The following RBFOX1 variants were observed in gnomAD, a reference collection of about 807,000 sequenced individuals.
RBFOX1 encodes RNA binding protein fox-1 homolog 1.
RBFOX1 carries 8 observed loss-of-function variants against 57.7 expected under a neutral mutation model. The ratio of observed to expected loss-of-function variants is 0.14; its 90% CI spans 0.08 to 0.25. RBFOX1 has a LOEUF of 0.25. RBFOX1 is among the 10% of genes least tolerant of loss of function. The probability of loss-of-function intolerance (pLI) is 1.00; values close to 1 mark genes in which losing one functional copy is unlikely to be tolerated. For missense variants in RBFOX1, 611 were observed against 548.5 expected (o/e 1.11, Z -1.14); for synonymous variants, 326 against 222.4 (o/e 1.47, Z -4.15).
intron 4 of RBFOX1, among the ~76,000 whole-genome samples, chr16:5,905,249 G>A (rs956783491): frequency 4.6e-5 from 7 of 151,518 alleles, no homozygotes; most frequent in African/African-American, 2.4e-5. Context: ...CGTATTATTA[G>A]TAGAGACGGC....
chr16:5,787,208 G>T (rs764321878), intron 3 of RBFOX1, among the ~76,000 whole-genome samples: 1 of 152,140 alleles, frequency 6.6e-6, no homozygotes, highest in African/African-American at 2.4e-5. Flanking sequence ...ACTCCACAGG[G>T]CCCTTTCACT....
intron 2 of RBFOX1, among the ~76,000 whole-genome samples, chr16:6,460,213 T>G (rs1484455136): frequency 2.0e-5 from 3 of 151,976 alleles, no homozygotes; most frequent in African/African-American, 7.3e-5. Flanking sequence ...CCATTGGTTC[T>G]CTCTCCTTGG....
intron 4 of RBFOX1, among the ~76,000 whole-genome samples, chr16:5,982,929 A>G (rs2060202494): frequency 6.6e-6 from 1 of 152,236 alleles, no homozygotes; most frequent in African/African-American, 2.4e-5. Context: ...ATGGGTGAGT[A>G]CATGAATACC....
At chr16:5,923,524 G>T (rs1029499266) in intron 4 of RBFOX1, among the ~76,000 whole-genome samples, 1 of 143,130 alleles carries the variant, frequency 7.0e-6, no homozygotes. Context: ...TGTCTCCAGA[G>T]CCAGGCTTTT....
intron 3 of RBFOX1, among the ~76,000 whole-genome samples, chr16:6,942,018 T>C (rs968670193): frequency 4.6e-5 from 7 of 152,024 alleles, no homozygotes; most frequent in African/African-American, 1.2e-4. Flanking sequence ...AATTTGAAAT[T>C]AGGAGTTTGA....
rs189903790 is a variant in RBFOX1, at chr16:6,916,692, G to A, written c.-15-135365G>A. 1.0e-3 allele frequency among the ~76,000 whole-genome samples: 157 copies of A among 152,088 alleles called. 2 individuals are homozygous for A. The highest frequency in any genetic ancestry group is 1.2e-4 in the Non-Finnish European group (8 of 67,998). ...GTCGTCCTTTTACCTCTCATTGGCC[G>A]CAGTTATGCCCATTCCTACTTAAAA... On this transcript the variant is annotated intron_variant, in intron 3 of 15. Coordinates refer to ENST00000550418, the MANE Select transcript of RBFOX1 (RefSeq NM_018723.4).
chr16:6,180,284 A>C (rs2097052537), intron 1 of RBFOX1, among the ~76,000 whole-genome samples: 3 of 151,914 alleles, frequency 2.0e-5, no homozygotes, highest in African/African-American at 7.2e-5. Flanking sequence ...TTTTTTGCCT[A>C]CTAATTCATT....
chr16:6,608,157 A>C (rs1045318542), intron 2 of RBFOX1, among the ~76,000 whole-genome samples: 1 of 152,076 alleles, frequency 6.6e-6, no homozygotes, highest in African/African-American at 2.4e-5. Context: ...CACTTTCTTA[A>C]CTCTTACCAG....
chr16:5,268,861 C>G (rs1432829351), intron 1 of RBFOX1, among the ~76,000 whole-genome samples: 1 of 152,110 alleles, frequency 6.6e-6, no homozygotes, highest in South Asian at 2.1e-4. Flanking sequence ...CACCCACCAG[C>G]AGTGTATGAA....
chr16:7,218,369 C>G (rs962120533), intron 4 of RBFOX1, among the ~76,000 whole-genome samples: 1 of 152,038 alleles, frequency 6.6e-6, no homozygotes, highest in African/African-American at 2.4e-5. Context: ...AGTATGCTTC[C>G]TATGAGACAG....
rs975893024 is a variant in RBFOX1, at chr16:5,437,590, T to G, written c.220-29626T>G. Among the ~76,000 whole-genome samples, 11 of 152,340 alleles carry G rather than the reference T, an allele frequency of 7.2e-5. 1 individual carries two copies. In the South Asian group the frequency reaches 2.1e-3, roughly 29 times the overall value. ...CAAACTTAAAAATTGCACTAAAAATTGTTTTTAAAGAGTATAATGCCAAAA... is the reference window on the plus strand; with the variant it reads ...CAAACTTAAAAATTGCACTAAAAATGGTTTTTAAAGAGTATAATGCCAAAA... On this transcript the variant is annotated intron_variant, in intron 1 of 2. Transcript: ENST00000585867.
chr16:7,013,196 A>T (rs553841013), intron 3 of RBFOX1, among the ~76,000 whole-genome samples: 1 of 152,294 alleles, frequency 6.6e-6, no homozygotes, highest in South Asian at 2.1e-4. Context: ...TGTGACTGAG[A>T]TTGAGCCATT....
intron 1 of RBFOX1, among the ~76,000 whole-genome samples, chr16:5,379,083 G>T (rs1032075185): frequency 1.3e-5 from 2 of 151,500 alleles, no homozygotes; most frequent in African/African-American, 4.9e-5. Context: ...GGCAAAAACT[G>T]CAATAACTTT....
chr16:6,481,328 C>A (rs2095368177), intron 2 of RBFOX1, among the ~76,000 whole-genome samples: 1 of 152,186 alleles, frequency 6.6e-6, no homozygotes, highest in African/African-American at 2.4e-5. Flanking sequence ...TGCTGTGCCC[C>A]TTGCACATGA....
chr16:7,084,883 C>G (rs1218885023), intron 4 of RBFOX1, among the ~76,000 whole-genome samples: 1 of 152,068 alleles, frequency 6.6e-6, no homozygotes, highest in Non-Finnish European at 1.5e-5. Flanking sequence ...ATCTATCTAT[C>G]TTCTATCCGT....
intron 10 of RBFOX1, among the ~76,000 whole-genome samples, chr16:7,612,972 C>T (rs1239887357): frequency 2.6e-5 from 4 of 152,144 alleles, no homozygotes; most frequent in East Asian, 1.9e-4. Flanking sequence ...GAGAGCACCC[C>T]GCCTGCAAAG....
chr16:5,745,145 A>C (rs373131480), intron 3 of RBFOX1, among the ~76,000 whole-genome samples: 3 of 151,872 alleles, frequency 2.0e-5, no homozygotes, highest in Admixed American at 1.3e-4. Flanking sequence ...TCTGTGTCCA[A>C]GTGTTCTCAT....
rs558018530 is a variant in RBFOX1 at position 6,450,756 on chromosome 16, T to C, written c.-64+133699T>C. Among the ~76,000 whole-genome samples the C allele has an allele frequency of 2.3e-3, 111 of 48,900 alleles. 2 individuals carry two copies. The highest frequency in any genetic ancestry group is 9.8e-3 in the African/African-American group (107 of 10,898). The allele number at this position is 48,900 out of a possible 152,430, so 32.1% of individuals were successfully genotyped here. A position where few individuals can be genotyped will look rare whatever the true frequency, so the allele number is the denominator to read the frequency against. ...GGAATAAATTTTATATATATATACA[T>C]ATATATATGTGTATATATATATATA... On this transcript the variant is annotated intron_variant, in intron 2 of 15. Transcript: ENST00000550418.
intron 3 of RBFOX1, among the ~76,000 whole-genome samples, chr16:6,961,643 C>T (rs1192330705): frequency 6.6e-6 from 1 of 152,108 alleles, no homozygotes; most frequent in Non-Finnish European, 1.5e-5. Flanking sequence ...ATATGCTAAA[C>T]AAGGGGTGAA....
Sources: allele counts gnomAD v4.1 joint callset (sites outside exome capture counted in the v4.1 genomes callset), GRCh38; gene constraint gnomAD v4.1.1; transcripts MANE v1.5; gene names NCBI Gene and HGNC (gene_info 2026-07-23, HGNC 2026-07-21).